The following PDE8A variants were observed in gnomAD, a reference collection of about 807,000 sequenced individuals.
PDE8A encodes phosphodiesterase 8A.
Under a neutral mutation model 105.0 loss-of-function variants are expected in PDE8A, and 59 were observed. That is an observed-to-expected ratio of 0.56 (90% CI 0.46 to 0.70). PDE8A has a LOEUF of 0.70. Ranked by LOEUF, PDE8A falls within the 30% of genes least tolerant of loss-of-function variation. The probability of loss-of-function intolerance (pLI) is 0.00; values close to 1 mark genes in which losing one functional copy is unlikely to be tolerated. For synonymous variants in PDE8A, 355 were observed against 371.9 expected (o/e 0.95, Z 0.52); for missense variants, 1,014 against 1,045.9 (o/e 0.97, Z 0.42).
rs117015856 is a variant in PDE8A at position 85,100,595 on chromosome 15, G to A, written c.1036+397G>A. Among the ~76,000 whole-genome samples, 32 of 152,304 alleles carry A rather than the reference G, an allele frequency of 2.1e-4. No individual in the cohort carries two copies. The East Asian group carries it at 4.4e-3, about 21-fold the overall frequency. On this transcript the variant is annotated intron_variant, in intron 11 of 21. Coordinates refer to ENST00000394553, the MANE Select transcript of PDE8A (RefSeq NM_002605.3). The stretch of plus-strand genomic sequence containing the variant: ...CTGCAGGGAGGTAGCCAGGCCCCTC[G>A]CACTTGCCTCACCTCTATGTTTCTT...
At chr15:85,087,066 A>G (rs2081566202) in intron 6 of PDE8A, among the ~76,000 whole-genome samples, 1 of 147,370 alleles carries the variant, frequency 6.8e-6, no homozygotes, top group South Asian at 2.1e-4. Context: ...TTTAATAACA[A>G]CTTTATTGAG....
intron 7 of PDE8A, 65 bp from the exon 8 acceptor site, chr15:85,090,979 T>C: frequency 1.4e-6 from 2 of 1,460,852 alleles, no homozygotes; most frequent in Non-Finnish European, 1.9e-6. Flanking sequence ...CGAAGACCTT[T>C]GATTGTCCTC....
intron 1 of PDE8A, among the ~76,000 whole-genome samples, chr15:84,994,746 C>G (rs1391746108): frequency 6.6e-6 from 1 of 152,180 alleles, no homozygotes; most frequent in Non-Finnish European, 1.5e-5. Context: ...GCAGGTGGAT[C>G]ACCTGAGGTC....
intron 18 of PDE8A, among the ~76,000 whole-genome samples, chr15:85,121,605 G>T (rs1403284742): frequency 6.6e-6 from 1 of 151,786 alleles, no homozygotes; most frequent in Non-Finnish European, 1.5e-5. Flanking sequence ...ACAGTGCTTG[G>T]TACATACTAG....
intron 1 of PDE8A, among the ~76,000 whole-genome samples, chr15:84,994,384 G>A (rs947838355): frequency 6.6e-6 from 1 of 152,158 alleles, no homozygotes; most frequent in Admixed American, 6.5e-5. Flanking sequence ...TAAGTGTACA[G>A]CTTGATGAAT....
chr15:85,056,079 G>A (rs1475596725), intron 1 of PDE8A, among the ~76,000 whole-genome samples: 1 of 151,532 alleles, frequency 6.6e-6, no homozygotes, highest in African/African-American at 2.4e-5. Context: ...GCTTAGTTTG[G>A]CTGGATATGA....
intron 1 of PDE8A, among the ~76,000 whole-genome samples, chr15:85,048,229 G>C (rs2080917542): frequency 6.6e-6 from 1 of 151,964 alleles, no homozygotes; most frequent in Non-Finnish European, 1.5e-5. Flanking sequence ...TTCCTAGTTT[G>C]CTTCGTTGAA....
intron 1 of PDE8A, among the ~76,000 whole-genome samples, chr15:85,033,357 T>G (rs2080647998): frequency 6.6e-6 from 1 of 152,130 alleles, no homozygotes; most frequent in Non-Finnish European, 1.5e-5. Context: ...CAAGTAGTAC[T>G]TGTAGGGAGA....
In PDE8A at chr15:85,113,578, C is replaced by T. The variant is rs533129948; in HGVS notation, c.1185+131C>T. 99 of 815,292 alleles carry T rather than the reference C, an allele frequency of 1.2e-4. No homozygotes were observed. In the East Asian group the frequency reaches 2.5e-3, roughly 20 times the overall value. The allele number at this position is 815,292 out of a possible 1,614,324, so 50.5% of individuals were successfully genotyped here. On this transcript the variant is annotated intron_variant, in intron 13 of 21. Coordinates refer to ENST00000394553, the MANE Select transcript of PDE8A (RefSeq NM_002605.3). ...GTCATAGTTGTGTGGTGCTAGTAGCCTCCTCTGAAGAGAGAGGATGTGTGA... is the reference window on the plus strand; with the variant it reads ...GTCATAGTTGTGTGGTGCTAGTAGCTTCCTCTGAAGAGAGAGGATGTGTGA...
At chr15:85,113,148 A>G (rs2082043568) in intron 12 of PDE8A, among the ~76,000 whole-genome samples, 1 of 152,212 alleles carries the variant, frequency 6.6e-6, no homozygotes, top group Non-Finnish European at 1.5e-5. Context: ...CTGGCCTGTG[A>G]CATCAGAAGT....
intron 1 of PDE8A, among the ~76,000 whole-genome samples, chr15:85,058,948 C>T (rs751110041): frequency 6.6e-5 from 10 of 151,962 alleles, no homozygotes; most frequent in South Asian, 2.1e-4. Context: ...TTAGTTTTCT[C>T]TTTTTCTAGT....
chr15:85,079,757 C>T (rs1351814405), intron 5 of PDE8A, among the ~76,000 whole-genome samples: 2 of 151,930 alleles, frequency 1.3e-5, no homozygotes. Context: ...TACTAAAAAT[C>T]CAAAAATTAC....
At chr15:85,093,676 G>A (rs1050946966) in intron 8 of PDE8A, among the ~76,000 whole-genome samples, 4 of 152,160 alleles carry the variant, frequency 2.6e-5, no homozygotes, top group African/African-American at 7.2e-5. Context: ...CCTCTTTTGG[G>A]TAAAAATAAC....
At chr15:85,041,863 G>A (rs1404002832) in intron 1 of PDE8A, among the ~76,000 whole-genome samples, 1 of 152,118 alleles carries the variant, frequency 6.6e-6, no homozygotes, top group African/African-American at 2.4e-5. Flanking sequence ...GCCTTCATCT[G>A]CCCCAGGAGT....
chr15:85,028,306 C>T (rs2080552491), intron 1 of PDE8A, among the ~76,000 whole-genome samples: 1 of 152,144 alleles, frequency 6.6e-6, no homozygotes, highest in Non-Finnish European at 1.5e-5. Flanking sequence ...CCTGGAACTC[C>T]TGGGCTCAAA....
intron 16 of PDE8A, among the ~76,000 whole-genome samples, chr15:85,117,284 T>TG (rs1226029109): frequency 6.6e-6 from 1 of 152,148 alleles, no homozygotes; most frequent in Non-Finnish European, 1.5e-5. Flanking sequence ...GTGTTCAAGG[T>TG]GGTACAAGCT....
chr15:85,063,956 C>T (rs2081183740), intron 1 of PDE8A: 1 of 159,592 alleles, frequency 6.3e-6, no homozygotes, highest in Admixed American at 6.1e-5. Flanking sequence ...TGTAAGATTT[C>T]ATTGTCCATC....
At chr15:85,110,536 T>C (rs994641715) in intron 12 of PDE8A, among the ~76,000 whole-genome samples, 1 of 152,154 alleles carries the variant, frequency 6.6e-6, no homozygotes, top group African/African-American at 2.4e-5. Flanking sequence ...CCTCATAGAA[T>C]TGGAATCGTA....
intron 1 of PDE8A, among the ~76,000 whole-genome samples, chr15:85,055,348 C>G (rs1336395305): frequency 6.6e-6 from 1 of 152,142 alleles, no homozygotes; most frequent in Admixed American, 6.5e-5. Context: ...GAGCTGAGTT[C>G]AATTCCTGGA....
Sources: gnomAD v4.1 joint callset for allele counts (sites outside exome capture counted in the v4.1 genomes callset) on GRCh38, gnomAD v4.1.1 for gene constraint, MANE v1.5 for transcripts, NCBI Gene and HGNC (gene_info 2026-07-23, HGNC 2026-07-21) for gene names.